CDH18: variants seen among roughly 807,000 people sequenced by gnomAD.
The protein encoded by CDH18 is cadherin-18.
A neutral mutation model predicts 67.9 loss-of-function variants in CDH18; 31 were observed. The observed-to-expected ratio is 0.46, with a 90% CI of 0.34 to 0.62. CDH18 has a LOEUF of 0.62. Among genes scored for constraint, CDH18 ranks in the 20% least tolerant of loss-of-function variants. The pLI is 0.01. For synonymous variants in CDH18, 362 were observed against 347.2 expected (o/e 1.04, Z -0.48); for missense variants, 890 against 975.5 (o/e 0.91, Z 1.17).
chr5:20,245,292 G>T (rs1743291937), intron 2 of CDH18, among the ~76,000 whole-genome samples: 1 of 152,058 alleles, frequency 6.6e-6, no homozygotes, highest in Admixed American at 6.6e-5. Context: ...ATCAAAAGAG[G>T]TTCTAAATCA....
chr5:19,719,917 GA>G (rs542291522), intron 5 of CDH18, among the ~76,000 whole-genome samples: 2 of 140,604 alleles, frequency 1.4e-5, no homozygotes. Flanking sequence ...AAGAAAGAAA[GA>G]AAGAAAGAAA....
intron 1 of CDH18, among the ~76,000 whole-genome samples, chr5:20,510,404 T>C (rs866220860): frequency 6.6e-6 from 1 of 152,320 alleles, no homozygotes; most frequent in South Asian, 2.1e-4. Flanking sequence ...AACATTTTAG[T>C]TTATGTAACC....
At chr5:20,263,855 T>C (rs1744841112) in intron 1 of CDH18, among the ~76,000 whole-genome samples, 1 of 152,096 alleles carries the variant, frequency 6.6e-6, no homozygotes, top group Admixed American at 6.6e-5. Flanking sequence ...AGTTAGATTT[T>C]TTTAAGGTGT....
chr5:20,206,322 T>C (rs541502373), intron 2 of CDH18, among the ~76,000 whole-genome samples: 39 of 151,534 alleles, frequency 2.6e-4, no homozygotes, highest in Non-Finnish European at 4.4e-4. Flanking sequence ...CAAAAATGAG[T>C]AGTGAGACTG....
intron 2 of CDH18, among the ~76,000 whole-genome samples, chr5:19,980,013 A>T (rs946453050): frequency 6.6e-6 from 1 of 152,202 alleles, no homozygotes; most frequent in African/African-American, 2.4e-5. Context: ...GAAGAAGTCA[A>T]ACTGTCACTG....
intron 2 of CDH18, among the ~76,000 whole-genome samples, chr5:19,898,659 GA>G (rs1455344495): frequency 6.6e-6 from 1 of 152,028 alleles, no homozygotes; most frequent in Non-Finnish European, 1.5e-5. Context: ...TGGAAAATAA[GA>G]AATCATTACT....
At chr5:20,065,747 T>C (rs1293657493) in intron 2 of CDH18, among the ~76,000 whole-genome samples, 2 of 151,988 alleles carry the variant, frequency 1.3e-5, no homozygotes, top group Admixed American at 6.6e-5. Flanking sequence ...AAAATATTTG[T>C]ATAGGTATCA....
chr5:20,507,218 A>T (rs750943845), intron 1 of CDH18, among the ~76,000 whole-genome samples: 2 of 152,210 alleles, frequency 1.3e-5, no homozygotes, highest in East Asian at 1.9e-4. Context: ...AACCACAACC[A>T]AATTGCAAAA....
chr5:20,199,328 A>G (rs1253028149), intron 2 of CDH18, among the ~76,000 whole-genome samples: 3 of 152,216 alleles, frequency 2.0e-5, no homozygotes, highest in African/African-American at 4.8e-5. Context: ...GTGACCTGGA[A>G]GTAGGACATG....
At chr5:20,343,124 G>C (rs4557415) in intron 1 of CDH18, among the ~76,000 whole-genome samples, 64,556 of 151,998 alleles carry the variant, frequency 0.42, 15,874 homozygotes, top group Middle Eastern at 0.61. Context: ...CCAAGTGGCA[G>C]CACTCAACCA....
intron 2 of CDH18, among the ~76,000 whole-genome samples, chr5:20,172,212 A>ACGTATATATATG (rs1192358410): frequency 1.4e-4 from 7 of 50,724 alleles, no homozygotes; most frequent in Non-Finnish European, 2.3e-4. Context: ...ATATATATAT[A>ACGTATATATATG]TATATATATA....
chr5:19,491,608 C>T (rs1329381230), intron 11 of CDH18, among the ~76,000 whole-genome samples: 2 of 152,296 alleles, frequency 1.3e-5, no homozygotes, highest in African/African-American at 4.8e-5. Flanking sequence ...TTCTTTCTAA[C>T]AGTTACATAG....
At chr5:19,670,659 T>C (rs772171997) in intron 5 of CDH18, among the ~76,000 whole-genome samples, 8 of 152,126 alleles carry the variant, frequency 5.3e-5, no homozygotes, top group Non-Finnish European at 1.0e-4. Flanking sequence ...CCAGAGATTA[T>C]TATATCCTTT....
intron 2 of CDH18, among the ~76,000 whole-genome samples, chr5:20,017,942 A>T (rs1182653454): frequency 6.6e-6 from 1 of 152,214 alleles, no homozygotes; most frequent in Non-Finnish European, 1.5e-5. Context: ...CCATATTCTC[A>T]ATAAAATATT....
intron 5 of CDH18, among the ~76,000 whole-genome samples, chr5:19,656,795 T>C (rs999212913): frequency 1.3e-5 from 2 of 151,982 alleles, no homozygotes; most frequent in Non-Finnish European, 2.9e-5. Flanking sequence ...GGGTGCCCAG[T>C]GCTAGGTTAA....
chr5:19,752,403 G>T (rs992138378), intron 3 of CDH18, among the ~76,000 whole-genome samples: 3 of 151,968 alleles, frequency 2.0e-5, no homozygotes, highest in Non-Finnish European at 2.9e-5. Context: ...TGTGACTCCC[G>T]GCTCTCCCCC....
chr5:19,542,811 A>G (rs115145792), intron 9 of CDH18, among the ~76,000 whole-genome samples: 2,246 of 152,120 alleles, frequency 0.015, 56 homozygotes, highest in African/African-American at 0.051. Context: ...TTTTGTAGTA[A>G]TAAAAATGTT....
intron 2 of CDH18, among the ~76,000 whole-genome samples, chr5:20,002,959 CAA>C (rs1325779187): frequency 1.8e-4 from 18 of 100,646 alleles, no homozygotes; most frequent in East Asian, 3.0e-4. Context: ...GGAAACCAAC[CAA>C]AAAAAAAAAA....
At chr5:20,573,263 G>GA (rs764640372) in intron 1 of CDH18, among the ~76,000 whole-genome samples, 49 of 151,280 alleles carry the variant, frequency 3.2e-4, no homozygotes, top group Non-Finnish European at 2.5e-4. Context: ...TCTATTCACA[G>GA]AAAAAAAACT....
Sources: gnomAD v4.1 joint callset for allele counts (sites outside exome capture counted in the v4.1 genomes callset) on GRCh38, gnomAD v4.1.1 for gene constraint, MANE v1.5 for transcripts, NCBI Gene and HGNC (gene_info 2026-07-23, HGNC 2026-07-21) for gene names.